The following KHDRBS1 variants were observed in gnomAD, a reference collection of about 807,000 sequenced individuals.
The protein encoded by KHDRBS1 is KH domain-containing, RNA-binding, signal transduction-associated protein 1.
In KHDRBS1, 7 loss-of-function variants were observed where a neutral mutation model predicts 48.4. The ratio of observed to expected loss-of-function variants is 0.14; its 90% CI spans 0.08 to 0.27. The LOEUF is 0.27. KHDRBS1 is among the 10% of genes least tolerant of loss of function. KHDRBS1 has a pLI of 1.00. For missense variants in KHDRBS1, 458 were observed against 601.2 expected, an observed-to-expected ratio of 0.76 and a Z score of 2.49; for synonymous variants, 241 against 235.8, an observed-to-expected ratio of 1.02 and a Z score of -0.20.
chr1:32,046,297 C>T (rs531755301), downstream of KHDRBS1, among the ~76,000 whole-genome samples: 88 of 152,222 alleles, frequency 5.8e-4, no homozygotes, highest in Non-Finnish European at 1.1e-3. Flanking sequence ...TCACTGCAAC[C>T]TCCGCCTCTG....
intron 1 of KHDRBS1, among the ~76,000 whole-genome samples, chr1:32,016,302 CTT>C (rs1638739980): frequency 6.6e-6 from 1 of 151,792 alleles, no homozygotes; most frequent in African/African-American, 2.4e-5. Context: ...TGAGAACTTA[CTT>C]TTATTATCCT....
intron 10 of KHDRBS1, among the ~76,000 whole-genome samples, chr1:32,058,833 T>G (rs1231819858): frequency 6.6e-6 from 1 of 151,978 alleles, no homozygotes; most frequent in Non-Finnish European, 1.5e-5. Flanking sequence ...AGTAGAGTAA[T>G]ATTGCAAACA....
In KHDRBS1 at chr1:32,057,488, T is replaced by C. The variant is rs370232414; in HGVS notation, n.1302-2675T>C. Among the ~76,000 whole-genome samples, 43 of 150,212 alleles carry C rather than the reference T, an allele frequency of 2.9e-4. 1 individual carries two copies. The East Asian group carries it at 3.1e-3, about 11-fold the overall frequency. ...CCTAGCTGGACCTTCTTCTTTTCTTTTTTTTTTTTTTTTTTAAAGAGATGA... is the reference window on the plus strand; with the variant it reads ...CCTAGCTGGACCTTCTTCTTTTCTTCTTTTTTTTTTTTTTTAAAGAGATGA... On this transcript the variant is annotated intron_variant and non_coding_transcript_variant, in intron 10 of 10. Coordinates refer to the KHDRBS1 transcript ENST00000484270.
At chr1:32,038,192 AGATTTTTCCATT>A (rs1256915224) in intron 6 of KHDRBS1, 156 bp downstream of exon 6, 9 of 1,226,912 alleles carry the variant, frequency 7.3e-6, no homozygotes, top group Non-Finnish European at 1.0e-5. Flanking sequence ...AACTATTAGA[AGATTTTTCCATT>A]TTAGGCAGGG....
At chr1:32,025,869 T>C (rs1638959217) in intron 1 of KHDRBS1, among the ~76,000 whole-genome samples, 1 of 150,300 alleles carries the variant, frequency 6.7e-6, no homozygotes, top group South Asian at 2.1e-4. Flanking sequence ...CACAGCCTCC[T>C]GAGTAGGTAG....
At chr1:32,054,686 C>T (rs911680020) in intron 10 of KHDRBS1, among the ~76,000 whole-genome samples, 5 of 152,220 alleles carry the variant, frequency 3.3e-5, no homozygotes, top group Non-Finnish European at 5.9e-5. Flanking sequence ...TCATATACAG[C>T]AAGCTTGTCC....
At chr1:32,016,572 G>A (rs1056162096) in intron 1 of KHDRBS1, among the ~76,000 whole-genome samples, 2 of 152,058 alleles carry the variant, frequency 1.3e-5, no homozygotes, top group African/African-American at 2.4e-5. Flanking sequence ...AAGATGATAA[G>A]GCTAAGATAC....
rs1639057773 is a variant in KHDRBS1, at chr1:32,030,329, A to T, written c.414A>T (p.Lys138Asn). The T allele has an allele frequency of 6.2e-7, 1 of 1,611,370 alleles. No homozygotes were observed. Among genetic ancestry groups the T allele is most frequent in the Non-Finnish European group, 8.5e-7 (1 of 1,178,626 alleles). Residue 138 changes from lysine to asparagine, a missense_variant, in exon 2 of 9, where the codon AAA (lysine) becomes AAT (asparagine). Coordinates refer to ENST00000327300, the MANE Select transcript of KHDRBS1 (RefSeq NM_006559.3). ...EIEKIQKGDS[K>N]KDDEENYLDL... ...AGAAGATTCAGAAAGGAGACTCAAA[A>T]AAGGATGATGAGGAGAATTACTTGG...
chr1:32,014,446 C>T (rs968333585), intron 1 of KHDRBS1, 69 bp downstream of exon 1: 3 of 1,254,684 alleles, frequency 2.4e-6, no homozygotes, highest in East Asian at 3.2e-5. Context: ...TGGCTTTGTT[C>T]CTCTCGCTTC....
intron 1 of KHDRBS1, among the ~76,000 whole-genome samples, chr1:32,019,153 A>G (rs1254667181): frequency 6.6e-6 from 1 of 152,242 alleles, no homozygotes; most frequent in African/African-American, 2.4e-5. Flanking sequence ...AATATGCTCA[A>G]AGAAACTTAT....
chr1:32,040,405 C>T (rs1048896449), intron 8 of KHDRBS1, among the ~76,000 whole-genome samples: 8 of 149,618 alleles, frequency 5.3e-5, no homozygotes, highest in African/African-American at 1.0e-4. Context: ...AACAAAAGTC[C>T]GTCTCAAAAA....
intron 8 of KHDRBS1, among the ~76,000 whole-genome samples, chr1:32,041,957 A>G (rs1056148300): frequency 2.0e-5 from 3 of 152,222 alleles, no homozygotes; most frequent in Non-Finnish European, 4.4e-5. Context: ...AGAGAGCAGT[A>G]TCAGCTCTGC....
intron 5 of KHDRBS1, among the ~76,000 whole-genome samples, 164 bp downstream of exon 5, chr1:32,037,207 T>C (rs2124384182): frequency 6.6e-6 from 1 of 152,286 alleles, no homozygotes; most frequent in Non-Finnish European, 1.5e-5. Flanking sequence ...ATCCCAGCAC[T>C]TTAGGAGGCT....
At chr1:32,039,910 C>T (rs1639250675) in intron 8 of KHDRBS1, among the ~76,000 whole-genome samples, 1 of 151,968 alleles carries the variant, frequency 6.6e-6, no homozygotes, top group African/African-American at 2.4e-5. Context: ...ATAGCTAGAC[C>T]TGGGTTGTAT....
chr1:32,020,475 T>C (rs1171282985), intron 1 of KHDRBS1, among the ~76,000 whole-genome samples: 3 of 152,142 alleles, frequency 2.0e-5, no homozygotes, highest in Non-Finnish European at 4.4e-5. Context: ...CTTGGGTATT[T>C]ATTTCAGGGA....
intron 6 of KHDRBS1, 22 bp from the exon 7 acceptor site, chr1:32,038,530 T>C: frequency 6.2e-7 from 1 of 1,611,072 alleles, no homozygotes; most frequent in Non-Finnish European, 8.5e-7. Context: ...TTTATTTCAT[T>C]TTTTTGTTGT....
At chr1:32,019,959 A>G (rs904444419) in intron 1 of KHDRBS1, among the ~76,000 whole-genome samples, 1 of 151,796 alleles carries the variant, frequency 6.6e-6, no homozygotes, top group Non-Finnish European at 1.5e-5. Context: ...TTTAGTAGAG[A>G]TGGGGTTTCA....
intron 10 of KHDRBS1, among the ~76,000 whole-genome samples, chr1:32,058,570 G>A (rs959836955): frequency 2.0e-5 from 3 of 152,158 alleles, no homozygotes; most frequent in African/African-American, 7.2e-5. Flanking sequence ...TTCAATGTCT[G>A]ATTTTTAAAC....
intron 4 of KHDRBS1, among the ~76,000 whole-genome samples, chr1:32,035,426 C>T (rs563054661): frequency 2.0e-4 from 31 of 152,180 alleles, no homozygotes; most frequent in African/African-American, 7.5e-4. Context: ...CTGTATACGC[C>T]TGGGATATAT....
Sources: allele counts gnomAD v4.1 joint callset (sites outside exome capture counted in the v4.1 genomes callset), GRCh38; gene constraint gnomAD v4.1.1; transcripts MANE v1.5; gene names NCBI Gene and HGNC (gene_info 2026-07-23, HGNC 2026-07-21).